The following EZH2 variants were observed in gnomAD, a reference collection of about 807,000 sequenced individuals.
The protein encoded by EZH2 is enhancer of zeste 2 polycomb repressive complex 2 subunit, also known as histone-lysine N-methyltransferase EZH2.
A neutral mutation model predicts 98.4 loss-of-function variants in EZH2; 18 were observed. That is an observed-to-expected ratio of 0.18 (90% CI 0.13 to 0.27). The LOEUF (loss-of-function observed/expected upper bound fraction) is 0.27. Among genes scored for constraint, EZH2 ranks in the 10% least tolerant of loss-of-function variants. The pLI, the probability that EZH2 is intolerant of heterozygous loss-of-function variation, is 1.00. For synonymous variants in EZH2, 338 were observed against 312.3 expected, an observed-to-expected ratio of 1.08 and a Z score of -0.87; for missense variants, 470 against 935.1, an observed-to-expected ratio of 0.50 and a Z score of 6.49.
intron 10 of EZH2, 185 bp downstream of exon 10, chr7:148,817,689 ACAC>A (rs1219738141): frequency 2.5e-6 from 2 of 807,834 alleles, no homozygotes; most frequent in African/African-American, 1.7e-5. Flanking sequence ...AGCAGGGCAA[ACAC>A]CACAAGCTAG....
intron 9 of EZH2, chr7:148,819,130 T>A: frequency 2.2e-6 from 1 of 453,844 alleles, no homozygotes; most frequent in Non-Finnish European, 4.4e-6. Context: ...CCTCATATTT[T>A]CCTAACCCCT....
At chr7:148,831,549 C>T (rs1437584501) in intron 4 of EZH2, among the ~76,000 whole-genome samples, 1 of 152,154 alleles carries the variant, frequency 6.6e-6, no homozygotes, top group Non-Finnish European at 1.5e-5. Context: ...CAGCAAAATC[C>T]ATGGGTGATT....
chr7:148,864,963 C>T (rs1453953507), intron 1 of EZH2, among the ~76,000 whole-genome samples: 1 of 151,950 alleles, frequency 6.6e-6, no homozygotes, highest in African/African-American at 2.4e-5. Flanking sequence ...CCCATCTCTA[C>T]TAAAAATACA....
chr7:148,866,650 G>A (rs933409059), intron 1 of EZH2, among the ~76,000 whole-genome samples: 14 of 140,522 alleles, frequency 1.0e-4, no homozygotes, highest in African/African-American at 2.7e-4. Flanking sequence ...ATACATATAC[G>A]TATATACGTA....
rs1820457521 is a variant in EZH2 at position 148,878,320 on chromosome 7, G to GAGTT, written c.-8+5840_-8+5843dup. Among the ~76,000 whole-genome samples the GAGTT allele has an allele frequency of 3.3e-5, 5 of 152,004 alleles. No homozygotes were observed. In the South Asian group the frequency reaches 1.0e-3, roughly 32 times the overall value. ...CTCTATTCTACTTTCTGTCTCCATAGAGTTGCCTCTTCTAACTACCTCATA... is the reference window on the plus strand; with the variant it reads ...CTCTATTCTACTTTCTGTCTCCATAGAGTTAGTTGCCTCTTCTAACTACCTCATA... On this transcript the variant is annotated intron_variant, in intron 1 of 19. Transcript: ENST00000320356.
chr7:148,833,275 G>C (rs186129634), intron 3 of EZH2, among the ~76,000 whole-genome samples: 3 of 151,758 alleles, frequency 2.0e-5, no homozygotes, highest in Admixed American at 1.3e-4. Flanking sequence ...TGGCTAACAC[G>C]GTGAAACCCC....
intron 19 of EZH2, among the ~76,000 whole-genome samples, chr7:148,808,146 G>A (rs529257655): frequency 1.3e-5 from 2 of 152,324 alleles, no homozygotes; most frequent in South Asian, 4.1e-4. Context: ...GGTGAAGCAA[G>A]AACTGGAGTG....
At position 148,816,776 on chromosome 7, in the gene EZH2, C is replaced by T. The variant is rs1182052939; in HGVS notation, c.1413G>A (p.Val471=). 6.2e-7 allele frequency: 1 copy of T among 1,612,690 alleles called. No homozygotes were observed. Among genetic ancestry groups the T allele is most frequent in the Admixed American group, 1.7e-5 (1 of 60,016 alleles). The change falls in exon 12 of 20, where the codon GTG becomes GTA. Residue 471 remains valine (V), a splice_region_variant and synonymous_variant. Coordinates refer to ENST00000320356, the MANE Select transcript of EZH2 (RefSeq NM_004456.5). ...RLIGTKTCRQ[V]YEFRVKESSI... ...TAGATTCTTTGACTCTAAACTCATA[C>T]ACCTGACAAGAGGCACAGTCACAGA...
intron 6 of EZH2, among the ~76,000 whole-genome samples, chr7:148,827,508 T>C (rs1446141837): frequency 6.6e-6 from 1 of 152,204 alleles, no homozygotes; most frequent in Non-Finnish European, 1.5e-5. Flanking sequence ...ACCTAGGTTC[T>C]ACTCCCAGCT....
chr7:148,846,687 G>A (rs2129485156), intron 2 of EZH2, 89 bp from the exon 3 acceptor site: 8 of 1,158,062 alleles, frequency 6.9e-6, no homozygotes, highest in Non-Finnish European at 9.7e-6. Flanking sequence ...AAAATCTAGT[G>A]TATCCTCAAA....
chr7:148,864,942 C>T (rs972721927), intron 1 of EZH2, among the ~76,000 whole-genome samples: 1 of 152,018 alleles, frequency 6.6e-6, no homozygotes, highest in Non-Finnish European at 1.5e-5. Flanking sequence ...GCCTGGCCAA[C>T]ACGGTAAAAC....
chr7:148,881,827 G>C (rs555665827), intron 1 of EZH2, among the ~76,000 whole-genome samples: 1 of 151,562 alleles, frequency 6.6e-6, no homozygotes, highest in Non-Finnish European at 1.5e-5. Context: ...CCAGCTACTC[G>C]GGAGGCTGAG....
At position 148,809,350 on chromosome 7, in the gene EZH2, A is replaced by G. The variant is rs1451177848; in HGVS notation, c.2070T>C (p.Arg690=). Residue 690 remains arginine (R), a synonymous_variant, in exon 18 of 20, where the codon CGT becomes CGC. Coordinates refer to ENST00000320356, the MANE Select transcript of EZH2 (RefSeq NM_004456.5). The part of the protein sequence containing the change: ...VDATRKGNKI[R]FANHSVNPNC... ...TTGGATTTACCGAATGATTTGCAAA[A>G]CGAATTTTGTTACCCTTGCGGGTTG... The G allele has an allele frequency of 1.9e-6, 3 of 1,604,788 alleles. No homozygotes were observed. Among genetic ancestry groups the G allele is most frequent in the Non-Finnish European group, 2.6e-6 (3 of 1,171,966 alleles).
intron 16 of EZH2, among the ~76,000 whole-genome samples, 192 bp from the exon 17 acceptor site, chr7:148,810,606 T>C (rs1469302536): frequency 2.0e-5 from 3 of 152,184 alleles, no homozygotes; most frequent in South Asian, 2.1e-4. Context: ...GGACCCCAAC[T>C]CAGAAATATT....
At chr7:148,870,326 T>C (rs1412147120) in intron 1 of EZH2, among the ~76,000 whole-genome samples, 1 of 152,238 alleles carries the variant, frequency 6.6e-6, no homozygotes, top group Non-Finnish European at 1.5e-5. Context: ...TATTAATTAA[T>C]TTTAATATAA....
chr7:148,851,352 G>T (rs1815718355), intron 1 of EZH2, among the ~76,000 whole-genome samples: 1 of 152,054 alleles, frequency 6.6e-6, no homozygotes, highest in Non-Finnish European at 1.5e-5. Context: ...AGCTGATATT[G>T]CCTTAAAGAC....
chr7:148,840,160 A>G (rs571022776), intron 3 of EZH2, among the ~76,000 whole-genome samples: 28 of 152,360 alleles, frequency 1.8e-4, no homozygotes, highest in Admixed American at 1.4e-3. Flanking sequence ...TTAAACATGC[A>G]TATCATCTTG....
At chr7:148,867,258 G>A (rs538855523) in intron 1 of EZH2, among the ~76,000 whole-genome samples, 16 of 152,032 alleles carry the variant, frequency 1.1e-4, no homozygotes, top group Middle Eastern at 3.4e-3. Context: ...CCCAGGAGGC[G>A]GAGGTTGCAG....
intron 8 of EZH2, among the ~76,000 whole-genome samples, chr7:148,820,635 G>A (rs1370153997): frequency 1.3e-5 from 2 of 151,656 alleles, no homozygotes; most frequent in African/African-American, 4.8e-5. Context: ...TGAGCAATTA[G>A]GCTCCAGACA....
Sources: gnomAD v4.1 joint callset for allele counts (sites outside exome capture counted in the v4.1 genomes callset) on GRCh38, gnomAD v4.1.1 for gene constraint, MANE v1.5 for transcripts, NCBI Gene and HGNC (gene_info 2026-07-23, HGNC 2026-07-21) for gene names.